Variants in PPHLN1 observed in about 807,000 individuals in gnomAD.
PPHLN1 encodes periphilin 1.
A neutral mutation model predicts 51.3 loss-of-function variants in PPHLN1; 29 were observed. The observed-to-expected ratio is 0.57, with a 90% CI of 0.42 to 0.77. The LOEUF is 0.77. PPHLN1 is among the 30% of genes least tolerant of loss of function. The probability of loss-of-function intolerance (pLI) is 0.00; values close to 1 mark genes in which losing one functional copy is unlikely to be tolerated. For missense variants in PPHLN1, 436 were observed against 438.4 expected (o/e 0.99, Z 0.05); for synonymous variants, 147 against 147.8 (o/e 0.99, Z 0.04).
rs1566010423 is a variant in PPHLN1 at position 42,426,221 on chromosome 12, CACACACA to C, written c.910-15093_910-15087del. On this transcript the variant is annotated intron_variant, in intron 9 of 9. Transcript: ENST00000358314. ...ACACACACACACACACACACACACACACACACACCCTCATGCATTGTCTCATGGCAGT... is the reference window on the plus strand; with the variant it reads ...ACACACACACACACACACACACACACCCCTCATGCATTGTCTCATGGCAGT... Among the ~76,000 whole-genome samples, 640 of 126,144 alleles carry C rather than the reference CACACACA, an allele frequency of 5.1e-3. 2 individuals are homozygous for C. The highest frequency in any genetic ancestry group is 0.016 in the Middle Eastern group (4 of 254). The allele number at this position is 126,144 out of a possible 152,430, so 82.8% of individuals were successfully genotyped here. A position where few individuals can be genotyped will look rare whatever the true frequency, so the allele number is the denominator to read the frequency against.
chr12:42,439,423 C>G (rs1471518053), intron 9 of PPHLN1, among the ~76,000 whole-genome samples: 1 of 152,202 alleles, frequency 6.6e-6, no homozygotes, highest in Non-Finnish European at 1.5e-5. Context: ...CTGGACTGTC[C>G]TGTCCTTGAT....
At chr12:42,377,902 G>T (rs1307626751) in intron 5 of PPHLN1, among the ~76,000 whole-genome samples, 1 of 152,128 alleles carries the variant, frequency 6.6e-6, no homozygotes, top group Non-Finnish European at 1.5e-5. Flanking sequence ...GATGAAATGT[G>T]GTTGAGCCGT....
chr12:42,400,659 G>C (rs78605147), intron 9 of PPHLN1, among the ~76,000 whole-genome samples: 16,013 of 151,974 alleles, frequency 0.11, 1,040 homozygotes, highest in African/African-American at 0.17. Context: ...ATAGGTGTGA[G>C]CCACTGTGCT....
intron 5 of PPHLN1, among the ~76,000 whole-genome samples, chr12:42,378,618 G>C (rs1201819862): frequency 6.6e-6 from 1 of 151,356 alleles, no homozygotes; most frequent in African/African-American, 2.4e-5. Context: ...TTTCCTTTTT[G>C]TTCATACTTT....
rs59324305 is a variant in PPHLN1, at chr12:42,371,111, G to GT, written c.300-3725dup. Among the ~76,000 whole-genome samples the GT allele has an allele frequency of 7.9e-4, 51 of 64,730 alleles. 5 individuals carry two copies. Among genetic ancestry groups the GT allele is most frequent in the African/African-American group, 2.9e-3 (47 of 15,954 alleles). 42.5% of individuals were successfully genotyped at this position (64,730 alleles called of 152,430 possible). On this transcript the variant is annotated intron_variant, in intron 4 of 9. Transcript: ENST00000358314. ...CGTGAGCCACCTCGCCCAGCCTGGT[G>GT]TTTTTTTTTTTTTTTTTTTTTTTTT...
At chr12:42,376,652 A>G (rs911743513) in intron 5 of PPHLN1, among the ~76,000 whole-genome samples, 2 of 152,114 alleles carry the variant, frequency 1.3e-5, no homozygotes, top group African/African-American at 2.4e-5. Context: ...TTAGCTGGGT[A>G]TGGTGATGTA....
At chr12:42,364,303 A>G (rs960381681) in intron 4 of PPHLN1, among the ~76,000 whole-genome samples, 2 of 151,982 alleles carry the variant, frequency 1.3e-5, no homozygotes, top group African/African-American at 2.4e-5. Flanking sequence ...ATATGGAACA[A>G]GAGTGTCATC....
In PPHLN1 at chr12:42,376,279, A is replaced by C. The variant is rs80272287; in HGVS notation, c.511+1205A>C. Among the ~76,000 whole-genome samples, 1,093 of 152,324 alleles carry C rather than the reference A, an allele frequency of 7.2e-3. 43 individuals carry two copies. The East Asian group carries it at 0.091, about 13-fold the overall frequency. ...CAAATAATAAGAGTTTTAATTTAACAGCCTTTGCCTCTTACATGATGAAAG... is the reference window on the plus strand; with the variant it reads ...CAAATAATAAGAGTTTTAATTTAACCGCCTTTGCCTCTTACATGATGAAAG... On this transcript the variant is annotated intron_variant, in intron 5 of 9. Coordinates refer to ENST00000358314, the MANE Select transcript of PPHLN1 (RefSeq NM_201439.2).
At chr12:42,409,691 G>T (rs1229997536) in intron 9 of PPHLN1, among the ~76,000 whole-genome samples, 1 of 151,826 alleles carries the variant, frequency 6.6e-6, no homozygotes, top group Non-Finnish European at 1.5e-5. Flanking sequence ...ACTGCTTTAA[G>T]GTTTTTTTTT....
intron 2 of PPHLN1, among the ~76,000 whole-genome samples, chr12:42,337,656 T>A (rs11835935): frequency 3.3e-5 from 5 of 152,078 alleles, no homozygotes; most frequent in African/African-American, 1.2e-4. Context: ...AGTGGTGCGA[T>A]CTTGGCTCAC....
intron 9 of PPHLN1, chr12:42,432,396 C>A (rs550972131): frequency 2.7e-6 from 2 of 753,732 alleles, no homozygotes. Flanking sequence ...AGAACTTGCA[C>A]ATTTCCAATG....
chr12:42,420,661 T>TCCCCCCCCCCCCCCCCCCCCC (rs1565996290), intron 9 of PPHLN1, among the ~76,000 whole-genome samples: 2 of 61,142 alleles, frequency 3.3e-5, no homozygotes, highest in African/African-American at 1.4e-4. Context: ...CTTCCCTCCT[T>TCCCCCCCCCCCCCCCCCCCCC]CCCTCCCGCC....
At chr12:42,412,802 TTAA>T (rs974460672) in intron 9 of PPHLN1, among the ~76,000 whole-genome samples, 3 of 152,208 alleles carry the variant, frequency 2.0e-5, no homozygotes, top group Non-Finnish European at 4.4e-5. Flanking sequence ...TTTTGACTTT[TTAA>T]TAATTGCCCT....
chr12:42,408,832 G>A (rs1448950108), intron 9 of PPHLN1, among the ~76,000 whole-genome samples: 1 of 152,140 alleles, frequency 6.6e-6, no homozygotes, highest in Non-Finnish European at 1.5e-5. Context: ...TAACTGATAA[G>A]TCACACTGAG....
chr12:42,426,190 AC>A (rs1247766434), intron 9 of PPHLN1, among the ~76,000 whole-genome samples: 2 of 79,128 alleles, frequency 2.5e-5, no homozygotes, highest in Non-Finnish European at 6.9e-5. Flanking sequence ...ACACACACAC[AC>A]ACACACACAC....
intron 2 of PPHLN1, among the ~76,000 whole-genome samples, chr12:42,338,572 G>T (rs2071033403): frequency 6.6e-6 from 1 of 152,202 alleles, no homozygotes; most frequent in African/African-American, 2.4e-5. Flanking sequence ...TAGGCAATCG[G>T]TATTTTAGAG....
chr12:42,326,291 G>C (rs2068754692), intron 1 of PPHLN1, 62 bp downstream of exon 1: 1 of 152,380 alleles, frequency 6.6e-6, no homozygotes, highest in Non-Finnish European at 1.5e-5. Context: ...CTAAACGGGG[G>C]GGAGTGGGCG....
chr12:42,379,433 A>G (rs1427693585), intron 5 of PPHLN1, among the ~76,000 whole-genome samples: 1 of 151,536 alleles, frequency 6.6e-6, no homozygotes, highest in African/African-American at 2.4e-5. Flanking sequence ...GAGGAGTACT[A>G]TCATATTCTT....
At chr12:42,444,889 CGGCTATCTGGTG>C (rs1043810501), downstream of PPHLN1, 10 of 579,472 alleles carry the variant, frequency 1.7e-5, no homozygotes, top group African/African-American at 1.9e-4. Context: ...AATGGAAAAG[CGGCTATCTGGTG>C]GAAACCACAT....
Sources: gnomAD v4.1 joint callset for allele counts (sites outside exome capture counted in the v4.1 genomes callset) on GRCh38, gnomAD v4.1.1 for gene constraint, MANE v1.5 for transcripts, NCBI Gene and HGNC (gene_info 2026-07-23, HGNC 2026-07-21) for gene names.